MEGF8: variants seen among roughly 807,000 people sequenced by gnomAD.
MEGF8 encodes multiple EGF like domains 8, also known as multiple epidermal growth factor-like domains protein 8.
A neutral mutation model predicts 302.9 loss-of-function variants in MEGF8; 156 were observed. The ratio of observed to expected loss-of-function variants is 0.52; its 90% CI spans 0.45 to 0.59. The LOEUF is 0.59. Among genes scored for constraint, MEGF8 ranks in the 20% least tolerant of loss-of-function variants. MEGF8 has a pLI of 0.00. For synonymous variants in MEGF8, 1,621 were observed against 1,660.5 expected, an observed-to-expected ratio of 0.98 and a Z score of 0.58; for missense variants, 3,345 against 3,964.5, an observed-to-expected ratio of 0.84 and a Z score of 4.20.
intron 13 of MEGF8, among the ~76,000 whole-genome samples, chr19:42,348,908 G>T (rs551891404): frequency 6.6e-6 from 1 of 152,346 alleles, no homozygotes; most frequent in East Asian, 1.9e-4. Context: ...GCTGGGAATG[G>T]ATCTTTCGTA....
At chr19:42,338,445 T>A (rs1011077360) in intron 8 of MEGF8, among the ~76,000 whole-genome samples, 1 of 152,200 alleles carries the variant, frequency 6.6e-6, no homozygotes, top group African/African-American at 2.4e-5. Context: ...TTTTGCCATG[T>A]TGGCAAGGCT....
chr19:42,354,170 T>C lies in MEGF8; in HGVS notation c.4011+146T>C. 9.8e-7 allele frequency: 1 copy of C among 1,018,056 alleles called. No individual in the cohort carries two copies. The allele number at this position is 1,018,056 out of a possible 1,614,324, so 63.1% of individuals were successfully genotyped here. A position where few individuals can be genotyped will look rare whatever the true frequency, so the allele number is the denominator to read the frequency against. ...TTCAAAACCCAAACTCCTCCTCAGA[T>C]CCCCAGCACTTTGTTCCTAGGCCCA... On this transcript the variant is annotated intron_variant, in intron 22 of 41. Coordinates refer to ENST00000251268, the MANE Select transcript of MEGF8 (RefSeq NM_001271938.2). The surrounding 1 kb of genome is among the most constrained non-coding windows in gnomAD (Gnocchi z 4.3).
At chr19:42,335,514 C>T (rs2039115644) in intron 5 of MEGF8, 129 bp downstream of exon 5, 5 of 779,258 alleles carry the variant, frequency 6.4e-6, no homozygotes, top group African/African-American at 1.7e-5. Flanking sequence ...ACCTACTTCT[C>T]CCTGTTTCTG....
Position 42,355,890 on chromosome 19 carries a change from G to T in MEGF8, c.4277G>T (p.Gly1426Val). The T allele has an allele frequency of 6.3e-7, 1 of 1,582,932 alleles. No homozygotes were observed. The highest frequency in any genetic ancestry group is 8.6e-7 in the Non-Finnish European group (1 of 1,165,230). The change falls in exon 24 of 42, where the codon GGT (glycine) becomes GTT (valine). Residue 1426 changes from glycine to valine, a missense_variant. Physicochemically the swap from Gly to Val is moderately radical, Grantham distance 109. Coordinates refer to ENST00000251268, the MANE Select transcript of MEGF8 (RefSeq NM_001271938.2). Reference protein sequence around the residue: ...PVPQECVPQDGAAGAGLCRCP... With the variant: ...PVPQECVPQDVAAGAGLCRCP... ...CCCCAGGAATGCGTGCCCCAGGACG[G>T]TGCTGCAGGTGCGGGGCTCTGCCGA...
intron 31 of MEGF8, 151 bp from the exon 32 acceptor site, chr19:42,360,624 T>TGTGAGC: frequency 6.9e-7 from 1 of 1,448,784 alleles, no homozygotes; most frequent in South Asian, 1.4e-5. Context: ...GGATCACAGG[T>TGTGAGC]GTGAGCCACC....
chr19:42,330,706 G>C (rs925190164), intron 1 of MEGF8, among the ~76,000 whole-genome samples: 2 of 152,228 alleles, frequency 1.3e-5, no homozygotes, highest in Non-Finnish European at 2.9e-5. Flanking sequence ...TGCTCTATGG[G>C]CCTTGTAGGC....
chr19:42,364,694 C>A (rs758794162), intron 35 of MEGF8, among the ~76,000 whole-genome samples: 1 of 152,208 alleles, frequency 6.6e-6, no homozygotes, highest in Non-Finnish European at 1.5e-5. Flanking sequence ...AAAGCTCAGG[C>A]TGTGAAGTCA....
In MEGF8 at chr19:42,353,934, G is replaced by T; in HGVS notation, c.3921G>T (p.Ser1307=). The change falls in exon 22 of 42, where the codon TCG becomes TCT. Residue 1307 remains serine (S), a synonymous_variant. Coordinates refer to ENST00000251268, the MANE Select transcript of MEGF8 (RefSeq NM_001271938.2). This position sits in a 1 kb window ranked among gnomAD's most constrained non-coding sequence, Gnocchi z 6.1. ...PGLSYCVWVV[S]ATEELQPCAP... ...TGTCCTACTGTGTGTGGGTTGTCTC[G>T]GCCACTGAGGAGCTACAGCCCTGTG... 1.3e-6 allele frequency: 2 copies of T among 1,586,530 alleles called. No individual in the cohort carries two copies. Among genetic ancestry groups the T allele is most frequent in the Non-Finnish European group, 1.7e-6 (2 of 1,166,798 alleles).
In MEGF8 at chr19:42,349,639, A is replaced by G. The variant is rs2039340322; in HGVS notation, c.2439A>G (p.Ala813=). The G allele has an allele frequency of 1.2e-6, 2 of 1,611,968 alleles. No homozygotes were observed. ...VEIQGQLNGS[A]GPGHSELTLL... ...TCCAGGGCCAGCTCAATGGCTCGGC[A>G]GGCCCTGGGCACAGCGAGCTAACTC... is the stretch of plus-strand genomic sequence containing the variant. The change falls in exon 14 of 42, where the codon GCA becomes GCG. Residue 813 remains alanine (A), a synonymous_variant. Transcript: ENST00000251268.
chr19:42,344,645 C>A lies in MEGF8; in HGVS notation c.1934-25C>A. On this transcript the variant is annotated intron_variant, in intron 11 of 41. Coordinates refer to ENST00000251268, the MANE Select transcript of MEGF8 (RefSeq NM_001271938.2). The surrounding 1 kb of genome is among the most constrained non-coding windows in gnomAD (Gnocchi z 4.5). The stretch of plus-strand genomic sequence containing the variant: ...GCCAGAGCACTCCACACTGACCCAC[C>A]GGCCCCCACCCCCTGTCTTCTCAGA... The A allele has an allele frequency of 6.4e-7, 1 of 1,560,294 alleles. No individual in the cohort carries two copies. Among genetic ancestry groups the A allele is most frequent in the Admixed American group, 1.8e-5 (1 of 55,014 alleles).
In MEGF8 at chr19:42,325,996, G is replaced by T; in HGVS notation, c.-248G>T. 2.0e-6 allele frequency: 1 copy of T among 493,828 alleles called. No individual in the cohort carries two copies. Among genetic ancestry groups the T allele is most frequent in the Non-Finnish European group, 3.3e-6 (1 of 302,352 alleles). The allele number at this position is 493,828 out of a possible 1,614,324, so 30.6% of individuals were successfully genotyped here. A position where few individuals can be genotyped will look rare whatever the true frequency, so the allele number is the denominator to read the frequency against. Reference sequence around the variant, plus strand: ...GGACTCCTACGGTCCCTAGGGTTCGGCCCCGTCCATAATGACTCCATATAC... The same window carrying T: ...GGACTCCTACGGTCCCTAGGGTTCGTCCCCGTCCATAATGACTCCATATAC... On this transcript the variant is annotated 5_prime_UTR_variant, in exon 1 of 42. Coordinates refer to ENST00000251268, the MANE Select transcript of MEGF8 (RefSeq NM_001271938.2).
intron 41 of MEGF8, among the ~76,000 whole-genome samples, chr19:42,372,704 G>T (rs932794132): frequency 6.6e-6 from 1 of 150,882 alleles, no homozygotes; most frequent in Non-Finnish European, 1.5e-5. Context: ...ACAGAGTATT[G>T]CTCTGTTGCC....
At position 42,355,924 on chromosome 19, in the gene MEGF8, G is replaced by T; in HGVS notation, c.4311G>T (p.Gln1437His). Residue 1437 changes from glutamine to histidine, a missense_variant, in exon 24 of 42, where the codon CAG (glutamine) becomes CAT (histidine). Gln to His is a conservative substitution (Grantham distance 24, BLOSUM62 0). Transcript: ENST00000251268. ...GTGCGGGGCTCTGCCGATGTCCTCA[G>T]GGCTGGGCTGGCCCACACTGCCGCA... The part of the protein sequence containing the change: ...AAGAGLCRCP[Q>H]GWAGPHCRMA... 1 of 1,604,776 alleles carries T rather than the reference G, an allele frequency of 6.2e-7. No individual in the cohort carries two copies.
intron 12 of MEGF8, among the ~76,000 whole-genome samples, chr19:42,346,348 C>T (rs890109911): frequency 2.0e-5 from 3 of 151,116 alleles, no homozygotes; most frequent in Admixed American, 2.0e-4. Context: ...TTGAGACCAG[C>T]CTGGCCAACA....
chr19:42,345,056 C>G (rs1474453871), intron 12 of MEGF8, among the ~76,000 whole-genome samples: 1 of 152,184 alleles, frequency 6.6e-6, no homozygotes, highest in Admixed American at 6.5e-5. Context: ...ACTGCAACCT[C>G]TGCCTCCTGG....
rs377111799 is a variant in MEGF8, at chr19:42,353,710, G to A, written c.3761+35G>A. ...CGGGCCAGCCAGGGCTGGGTAGGGT[G>A]TGCTTGGGGACACAGTGGGGAGGGT... On this transcript the variant is annotated intron_variant, in intron 21 of 41. Coordinates refer to ENST00000251268, the MANE Select transcript of MEGF8 (RefSeq NM_001271938.2). This position sits in a 1 kb window ranked among gnomAD's most constrained non-coding sequence, Gnocchi z 6.1. 9.5e-5 allele frequency: 150 copies of A among 1,574,440 alleles called. No homozygotes were observed. Among genetic ancestry groups the A allele is most frequent in the Non-Finnish European group, 1.3e-4 (147 of 1,155,004 alleles).
chr19:42,369,006 A>G lies in MEGF8; in HGVS notation c.6641+4A>G, dbSNP rs774471672. ...AGACCGGCTATACCATGGACAAGTG[A>G]GGCCGCAGGCGGCGCTGGGGCCAGG... On this transcript the variant is annotated splice_donor_region_variant and intron_variant, in intron 37 of 41. Transcript: ENST00000251268. This position sits in a 1 kb window ranked among gnomAD's most constrained non-coding sequence, Gnocchi z 5.7. 1.9e-6 allele frequency: 3 copies of G among 1,613,024 alleles called. No homozygotes were observed. Among genetic ancestry groups the G allele is most frequent in the Non-Finnish European group, 2.5e-6 (3 of 1,179,758 alleles).
intron 31 of MEGF8, 137 bp downstream of exon 31, chr19:42,359,379 C>A: frequency 1.4e-6 from 1 of 717,916 alleles, no homozygotes; most frequent in Non-Finnish European, 2.0e-6. Flanking sequence ...TCTGGATTAT[C>A]TGAACACCAG....
rs1297047733 is a variant in MEGF8, at chr19:42,369,227, C to T, written c.6641+225C>T. On this transcript the variant is annotated intron_variant, in intron 37 of 41. Coordinates refer to ENST00000251268, the MANE Select transcript of MEGF8 (RefSeq NM_001271938.2). This position sits in a 1 kb window ranked among gnomAD's most constrained non-coding sequence, Gnocchi z 5.7. ...GGGCACAGTGGCTGATGCCTGTAAT[C>T]CCAGCACTTTGGGAGGCCGAGGCAG... Among the ~76,000 whole-genome samples the T allele has an allele frequency of 3.9e-5, 6 of 152,316 alleles. No individual in the cohort carries two copies. The highest frequency in any genetic ancestry group is 1.9e-4 in the East Asian group (1 of 5,184).
Sources: gnomAD v4.1 joint callset for allele counts (sites outside exome capture counted in the v4.1 genomes callset) on GRCh38, gnomAD v4.1.1 for gene constraint, Gnocchi (gnomAD v3.1) non-coding constraint, MANE v1.5 for transcripts, NCBI Gene and HGNC (gene_info 2026-07-23, HGNC 2026-07-21) for gene names.